SLC4A10: variants seen among roughly 807,000 people sequenced by gnomAD.
SLC4A10 encodes the protein sodium-driven chloride bicarbonate exchanger.
Under a neutral mutation model 137.7 loss-of-function variants are expected in SLC4A10, and 42 were observed. The ratio of observed to expected loss-of-function variants is 0.30; its 90% confidence interval spans 0.24 to 0.39. The LOEUF is 0.39. Among genes scored for constraint, SLC4A10 ranks in the 10% least tolerant of loss-of-function variants. The pLI is 1.00. For synonymous variants in SLC4A10, 474 were observed against 464.1 expected (o/e 1.02, Z -0.27); for missense variants, 925 against 1,355.0 (o/e 0.68, Z 4.98).
intron 17 of SLC4A10, among the ~76,000 whole-genome samples, chr2:161,948,640 A>C (rs947125644): frequency 6.6e-6 from 1 of 152,112 alleles, no homozygotes; most frequent in Admixed American, 6.6e-5. Context: ...TAAATTTTAA[A>C]TTTGCCCACT....
At chr2:161,790,563 G>A (rs1034809102) in intron 2 of SLC4A10, among the ~76,000 whole-genome samples, 7 of 152,108 alleles carry the variant, frequency 4.6e-5, no homozygotes, top group Non-Finnish European at 1.0e-4. Context: ...TGAAATTGTA[G>A]GTTTTGCCTG....
At chr2:161,859,601 T>C (rs1451819530) in intron 5 of SLC4A10, among the ~76,000 whole-genome samples, 8 of 119,586 alleles carry the variant, frequency 6.7e-5, no homozygotes, top group African/African-American at 1.7e-4. Context: ...TTTCTTTTTT[T>C]TTTTTTTTTT....
At position 161,904,130 on chromosome 2, in the gene SLC4A10, T is replaced by A; in HGVS notation, c.1569T>A (p.Pro523=). Residue 523 remains proline (P), a synonymous_variant, in exon 13 of 27, where the codon CCT becomes CCA. Transcript: ENST00000446997. ...FLFLYCACMS[P]VITFGGLLGE... ...TTCTCTACTGCGCGTGTATGTCTCC[T>A]GTCATCACGTTTGGAGGACTGCTGG... 1 of 1,611,734 alleles carries A rather than the reference T, an allele frequency of 6.2e-7. No homozygotes were observed. Among genetic ancestry groups the A allele is most frequent in the Admixed American group, 1.7e-5 (1 of 59,686 alleles).
intron 2 of SLC4A10, among the ~76,000 whole-genome samples, chr2:161,796,875 T>A (rs933618390): frequency 3.3e-5 from 5 of 152,162 alleles, no homozygotes; most frequent in Non-Finnish European, 5.9e-5. Flanking sequence ...GCACATGTCT[T>A]TTAAATTAAT....
chr2:161,750,802 A>G (rs901226729), intron 1 of SLC4A10, among the ~76,000 whole-genome samples: 2 of 151,694 alleles, frequency 1.3e-5, no homozygotes, highest in African/African-American at 4.8e-5. Flanking sequence ...CTATTTTTGA[A>G]GGTGGGGTGT....
chr2:161,804,297 A>G (rs2055683995), intron 2 of SLC4A10, among the ~76,000 whole-genome samples, 152 bp from the exon 3 acceptor site: 1 of 152,188 alleles, frequency 6.6e-6, no homozygotes, highest in Admixed American at 6.6e-5. Flanking sequence ...AAATGCCAAA[A>G]GACAGTGCCA....
intron 15 of SLC4A10, among the ~76,000 whole-genome samples, chr2:161,932,029 T>C (rs1690488366): frequency 6.6e-6 from 1 of 152,230 alleles, no homozygotes; most frequent in African/African-American, 2.4e-5. Flanking sequence ...TAGTTTCCTT[T>C]TTGTCATTAA....
intron 15 of SLC4A10, among the ~76,000 whole-genome samples, chr2:161,929,441 C>A (rs1448176251): frequency 6.6e-6 from 1 of 152,226 alleles, no homozygotes; most frequent in Admixed American, 6.5e-5. Context: ...TCTCTGCTAA[C>A]AGCTTAAACA....
intron 15 of SLC4A10, among the ~76,000 whole-genome samples, chr2:161,918,683 A>G (rs1253839336): frequency 6.6e-6 from 1 of 152,180 alleles, no homozygotes; most frequent in Admixed American, 6.5e-5. Context: ...ATTGAAGCCT[A>G]CTTCACCTTG....
intron 2 of SLC4A10, among the ~76,000 whole-genome samples, chr2:161,775,694 T>C (rs2052236529): frequency 6.6e-6 from 1 of 151,920 alleles, no homozygotes; most frequent in Non-Finnish European, 1.5e-5. Flanking sequence ...CCCCTTCAGT[T>C]ACTCTTATTC....
chr2:161,692,055 A>T (rs1349437675), intron 1 of SLC4A10, among the ~76,000 whole-genome samples: 1 of 152,064 alleles, frequency 6.6e-6, no homozygotes, highest in Non-Finnish European at 1.5e-5. Context: ...GTTTGAGAGA[A>T]GTTGGGGAAA....
chr2:161,788,548 T>C (rs1308944150), intron 2 of SLC4A10, among the ~76,000 whole-genome samples: 20 of 152,080 alleles, frequency 1.3e-4, no homozygotes, highest in Admixed American at 1.3e-3. Flanking sequence ...GGCAGGAATG[T>C]GATCCGTTTT....
intron 2 of SLC4A10, among the ~76,000 whole-genome samples, chr2:161,786,769 G>A (rs1409092997): frequency 6.6e-6 from 1 of 150,998 alleles, no homozygotes; most frequent in Non-Finnish European, 1.5e-5. Flanking sequence ...TATGACAGGA[G>A]AGTATTGTCC....
At chr2:161,697,730 C>T (rs1332189081) in intron 1 of SLC4A10, among the ~76,000 whole-genome samples, 1 of 152,128 alleles carries the variant, frequency 6.6e-6, no homozygotes, top group East Asian at 1.9e-4. Context: ...AGTTTGAAGT[C>T]AGGTAGCATG....
intron 3 of SLC4A10, among the ~76,000 whole-genome samples, chr2:161,838,821 G>A (rs748423907): frequency 6.6e-6 from 1 of 152,156 alleles, no homozygotes; most frequent in Non-Finnish European, 1.5e-5. Context: ...CCAAGTGCTG[G>A]TGAAGATTCA....
chr2:161,634,624 GTT>G (rs1351827877), intron 1 of SLC4A10, among the ~76,000 whole-genome samples: 2 of 151,936 alleles, frequency 1.3e-5, no homozygotes, highest in Non-Finnish European at 2.9e-5. Flanking sequence ...ATGATATGAT[GTT>G]TTGATACAAG....
intron 12 of SLC4A10, 84 bp from the exon 13 acceptor site, chr2:161,903,920 A>C: frequency 2.2e-6 from 3 of 1,353,710 alleles, no homozygotes; most frequent in Non-Finnish European, 3.0e-6. Context: ...GTATACTGTG[A>C]CCTGGCAACA....
rs535560207 is a variant in SLC4A10, at chr2:161,872,322, C to T, written c.796C>T (p.Pro266Ser). 34 of 1,613,574 alleles carry T rather than the reference C, an allele frequency of 2.1e-5. No homozygotes were observed. The South Asian group carries it at 3.4e-4, about 16-fold the overall frequency. ...TCAGGTTGTTTCTCCTCAGTCTGCT[C>T]CAGCCTGTGTTGAAAATAAAAATGA... ...AGQVVSPQSA[P>S]ACVENKNDVS... is the part of the protein sequence containing the mutation. Residue 266 changes from proline (P) to serine (S), a missense_variant, in exon 7 of 27, where the codon CCA becomes TCA. Physicochemically the swap from Pro to Ser is moderately conservative, Grantham distance 74. Around this residue, in one of 11 missense-constraint regions of SLC4A10, gnomAD observed 277 missense variants for 306.1 expected, o/e 0.90. Transcript: ENST00000446997.
intron 15 of SLC4A10, among the ~76,000 whole-genome samples, chr2:161,915,318 C>T (rs1179826707): frequency 6.6e-6 from 1 of 152,200 alleles, no homozygotes; most frequent in African/African-American, 2.4e-5. Flanking sequence ...TTTGCATTCA[C>T]CATCCTTCAA....
Sources: allele counts gnomAD v4.1 joint callset (sites outside exome capture counted in the v4.1 genomes callset), GRCh38; gene constraint gnomAD v4.1.1; regional missense constraint gnomAD v4.1.1; transcripts MANE v1.5; gene names NCBI Gene and HGNC (gene_info 2026-07-23, HGNC 2026-07-21).